The following BBOX1 variants were observed in gnomAD, a reference collection of about 807,000 sequenced individuals.
BBOX1 encodes gamma-butyrobetaine dioxygenase.
In BBOX1, 35 loss-of-function variants were observed where a neutral mutation model predicts 41.6. The ratio of observed to expected loss-of-function variants is 0.84; its 90% CI spans 0.64 to 1.11. The LOEUF is 1.11. Among genes scored for constraint, BBOX1 ranks in the 50% most tolerant of loss-of-function variants. The pLI, the probability that BBOX1 is intolerant of heterozygous loss-of-function variation, is 0.00. For synonymous variants in BBOX1, 163 were observed against 154.7 expected (o/e 1.05, Z -0.40); for missense variants, 458 against 460.6 (o/e 0.99, Z 0.05).
intron 4 of BBOX1, among the ~76,000 whole-genome samples, chr11:27,083,750 C>T (rs1408523787): frequency 6.6e-6 from 1 of 152,020 alleles, no homozygotes; most frequent in African/African-American, 2.4e-5. Flanking sequence ...CCCTTTTTCC[C>T]CAACAAGAGA....
chr11:27,048,837 G>A (rs910404679), intron 2 of BBOX1, among the ~76,000 whole-genome samples: 2 of 147,842 alleles, frequency 1.4e-5, no homozygotes, highest in African/African-American at 5.0e-5. Flanking sequence ...ATGCTGGTGC[G>A]CTGCACCCAC....
intron 5 of BBOX1, among the ~76,000 whole-genome samples, chr11:27,104,944 G>C (rs1225936397): frequency 2.0e-5 from 3 of 152,180 alleles, no homozygotes; most frequent in Non-Finnish European, 4.4e-5. Flanking sequence ...AATATTCACT[G>C]TTCTGCAGCC....
intron 5 of BBOX1, among the ~76,000 whole-genome samples, chr11:27,095,163 GC>G (rs1858392466): frequency 6.6e-6 from 1 of 151,976 alleles, no homozygotes; most frequent in African/African-American, 2.4e-5. Context: ...AGAGCTTTTA[GC>G]CACTGGTGTT....
At chr11:27,069,471 G>A (rs1564962118) in intron 4 of BBOX1, among the ~76,000 whole-genome samples, 2 of 152,024 alleles carry the variant, frequency 1.3e-5, no homozygotes, top group Non-Finnish European at 2.9e-5. Flanking sequence ...AAGTCTTTTG[G>A]AGGAGCCTTT....
rs1447669914 is a variant in BBOX1 at position 27,122,702 on chromosome 11, A to G, written c.836+2857A>G. Among the ~76,000 whole-genome samples the G allele has an allele frequency of 4.6e-5, 7 of 152,192 alleles. 1 individual carries two copies. In the South Asian group the frequency reaches 8.3e-4, roughly 18 times the overall value. ...TACAACAAGTTCCATAAAACATTGT[A>G]TCTATCAATGAGACATAATGCTGTC... On this transcript the variant is annotated intron_variant, in intron 7 of 8. Transcript: ENST00000263182.
intron 7 of BBOX1, among the ~76,000 whole-genome samples, chr11:27,123,707 C>T (rs753838488): frequency 6.6e-6 from 1 of 151,958 alleles, no homozygotes; most frequent in East Asian, 1.9e-4. Flanking sequence ...AGTCTCTGTA[C>T]CACTAAATCC....
At chr11:27,107,817 G>A (rs1418115402) in intron 5 of BBOX1, among the ~76,000 whole-genome samples, 1 of 152,038 alleles carries the variant, frequency 6.6e-6, no homozygotes, top group Non-Finnish European at 1.5e-5. Flanking sequence ...AAATATGTTT[G>A]CATTTTATTT....
At chr11:27,084,791 G>A (rs2083947304) in intron 4 of BBOX1, among the ~76,000 whole-genome samples, 1 of 152,098 alleles carries the variant, frequency 6.6e-6, no homozygotes, top group Non-Finnish European at 1.5e-5. Context: ...GGAATGTGAT[G>A]CTTAACCCTG....
At chr11:27,056,411 C>T (rs918944804) in intron 3 of BBOX1, among the ~76,000 whole-genome samples, 1 of 152,046 alleles carries the variant, frequency 6.6e-6, no homozygotes, top group African/African-American at 2.4e-5. Flanking sequence ...GTATGGGCCA[C>T]CATGCCCGGC....
intron 4 of BBOX1, among the ~76,000 whole-genome samples, chr11:27,068,501 T>G (rs924173703): frequency 6.6e-6 from 1 of 152,152 alleles, no homozygotes; most frequent in African/African-American, 2.4e-5. Context: ...TTGCAAATAT[T>G]TTCTCCCTTT....
At chr11:27,066,829 T>C (rs1465074288) in intron 4 of BBOX1, among the ~76,000 whole-genome samples, 2 of 146,240 alleles carry the variant, frequency 1.4e-5, no homozygotes, top group Admixed American at 6.7e-5. Flanking sequence ...TAAATAAAAA[T>C]GTTTAAGTTC....
Position 27,091,100 on chromosome 11 carries a change from A to G in BBOX1, c.335-2068A>G, listed in dbSNP as rs111456965. Among the ~76,000 whole-genome samples, 73 of 152,144 alleles carry G rather than the reference A, an allele frequency of 4.8e-4. 2 individuals carry two copies. Among genetic ancestry groups the G allele is most frequent in the African/African-American group, 1.7e-3 (72 of 41,556 alleles). On this transcript the variant is annotated intron_variant, in intron 4 of 8. Transcript: ENST00000263182. ...AAAGTAAAGGCAGGCATAAGAAATTATAAAAGTATTATTTGGGAACTGATA... is the reference window on the plus strand; with the variant it reads ...AAAGTAAAGGCAGGCATAAGAAATTGTAAAAGTATTATTTGGGAACTGATA...
intron 8 of BBOX1, among the ~76,000 whole-genome samples, chr11:27,126,526 A>C (rs1439805411): frequency 6.6e-6 from 1 of 152,174 alleles, no homozygotes; most frequent in Non-Finnish European, 1.5e-5. Context: ...CATGTGTGAA[A>C]AGATGAGAGA....
At chr11:27,072,073 G>T (rs1311411150) in intron 4 of BBOX1, among the ~76,000 whole-genome samples, 1 of 152,106 alleles carries the variant, frequency 6.6e-6, no homozygotes, top group African/African-American at 2.4e-5. Context: ...TCTGGCCAGG[G>T]CATCGGTCAA....
At chr11:27,105,640 G>A (rs575189091) in intron 5 of BBOX1, among the ~76,000 whole-genome samples, 4 of 152,154 alleles carry the variant, frequency 2.6e-5, no homozygotes, top group Admixed American at 6.6e-5. Flanking sequence ...AAGTGACGGG[G>A]AGAATGGAAA....
chr11:27,061,485 A>G (rs1191716994), intron 4 of BBOX1, among the ~76,000 whole-genome samples: 1 of 152,356 alleles, frequency 6.6e-6, no homozygotes, highest in East Asian at 1.9e-4. Flanking sequence ...TATTGGTTCT[A>G]TGGCTTTTTG....
chr11:27,087,003 T>C (rs1308416840), intron 4 of BBOX1, among the ~76,000 whole-genome samples: 1 of 152,080 alleles, frequency 6.6e-6, no homozygotes, highest in East Asian at 1.9e-4. Flanking sequence ...TGCTACAATC[T>C]CATAATAAAA....
intron 4 of BBOX1, among the ~76,000 whole-genome samples, chr11:27,076,297 G>C (rs1452792114): frequency 6.6e-6 from 1 of 152,166 alleles, no homozygotes; most frequent in African/African-American, 2.4e-5. Context: ...ACCCTATAAA[G>C]TTCCTTGGTT....
chr11:27,081,935 CT>C (rs1857852717), intron 4 of BBOX1, among the ~76,000 whole-genome samples: 1 of 151,930 alleles, frequency 6.6e-6, no homozygotes, highest in Non-Finnish European at 1.5e-5. Context: ...TGTTGAAGTT[CT>C]TTGTAGATTC....
Sources: gnomAD v4.1 joint callset for allele counts (sites outside exome capture counted in the v4.1 genomes callset) on GRCh38, gnomAD v4.1.1 for gene constraint, MANE v1.5 for transcripts, NCBI Gene and HGNC (gene_info 2026-07-23, HGNC 2026-07-21) for gene names.